The following CPNE7 variants were observed in gnomAD, a reference collection of about 807,000 sequenced individuals.
The protein encoded by CPNE7 is copine-7.
CPNE7 carries 78 observed loss-of-function variants against 66.5 expected under a neutral mutation model. The observed-to-expected ratio is 1.17, with a 90% CI of 0.98 to 1.42. The LOEUF is 1.42. Ranked by LOEUF, CPNE7 falls within the 40% of genes most tolerant of loss-of-function variation. CPNE7 has a pLI of 0.00. For synonymous variants in CPNE7, 468 were observed against 336.7 expected (o/e 1.39, Z -4.27); for missense variants, 1,012 against 776.6 (o/e 1.30, Z -3.60).
Position 89,584,236 on chromosome 16 carries a change from G to A in CPNE7, c.507+134G>A. Reference sequence around the variant, plus strand: ...CGTGTGCGGAGTGTGCCTGGGGCTGGGCGTGCTGCCGTCACGGTCGCCATC... The same window carrying A: ...CGTGTGCGGAGTGTGCCTGGGGCTGAGCGTGCTGCCGTCACGGTCGCCATC... On this transcript the variant is annotated intron_variant, in intron 4 of 14. Transcript: ENST00000319518. The surrounding 1 kb of genome is among the most constrained non-coding windows in gnomAD (Gnocchi z 6.0). 1 of 870,696 alleles carries A rather than the reference G, an allele frequency of 1.1e-6. No homozygotes were observed. The highest frequency in any genetic ancestry group is 1.7e-6 in the Non-Finnish European group (1 of 578,806). 53.9% of individuals were successfully genotyped at this position (870,696 alleles called of 1,614,324 possible).
At chr16:89,586,901 T>C (rs927155678) in intron 8 of CPNE7, 142 bp from the exon 9 acceptor site, 30 of 1,085,796 alleles carry the variant, frequency 2.8e-5, no homozygotes, top group African/African-American at 1.4e-4. Context: ...AAGGGCGAGG[T>C]TGGGGAGAGA....
intron 14 of CPNE7, 104 bp downstream of exon 14, chr16:89,595,707 G>A: frequency 9.8e-7 from 1 of 1,018,964 alleles, no homozygotes; most frequent in Non-Finnish European, 1.5e-6. Context: ...GATGTGGCAG[G>A]TCCCTTCTTG....
chr16:89,588,982 G>T (rs756273688), intron 10 of CPNE7, among the ~76,000 whole-genome samples, 174 bp downstream of exon 10: 1 of 152,162 alleles, frequency 6.6e-6, no homozygotes, highest in African/African-American at 2.4e-5. Flanking sequence ...CCATGAGGTG[G>T]GCACTGTGAG....
intron 1 of CPNE7, among the ~76,000 whole-genome samples, chr16:89,576,960 A>G (rs1248947503): frequency 1.3e-5 from 2 of 150,772 alleles, no homozygotes; most frequent in African/African-American, 4.9e-5. Context: ...CGAGCCCACC[A>G]TCCCCACGGA....
chr16:89,582,942 G>A (rs1046999745), intron 2 of CPNE7, among the ~76,000 whole-genome samples: 2 of 152,340 alleles, frequency 1.3e-5, no homozygotes, highest in Non-Finnish European at 2.9e-5. Context: ...TTTCGGACAC[G>A]GAGCCTGGGA....
intron 10 of CPNE7, 39 bp downstream of exon 10, chr16:89,588,847 G>C (rs755766607): frequency 1.9e-6 from 3 of 1,607,004 alleles, no homozygotes; most frequent in Non-Finnish European, 2.5e-6. Context: ...TGGTCTCCAG[G>C]TCAGCTATGA....
chr16:89,576,192 C>T (rs1473047449), intron 1 of CPNE7, 121 bp downstream of exon 1: 5 of 817,530 alleles, frequency 6.1e-6, no homozygotes, highest in Admixed American at 4.4e-5. Flanking sequence ...CCCCCCGGAG[C>T]TGGGGCTCAG....
intron 11 of CPNE7, 123 bp from the exon 12 acceptor site, chr16:89,590,884 G>GGGGGGAGCAGCTGACT: frequency 1.1e-6 from 1 of 917,208 alleles, no homozygotes; most frequent in Middle Eastern, 3.5e-4. Flanking sequence ...GGGCGGGGAC[G>GGGGGGAGCAGCTGACT]GGGGGAGCAG....
rs763199777 is a variant in CPNE7 at position 89,587,029 on chromosome 16, C to T, written c.868-14C>T. The T allele has an allele frequency of 5.7e-6, 9 of 1,573,528 alleles. No individual in the cohort carries two copies. Among genetic ancestry groups the T allele is most frequent in the Non-Finnish European group, 6.9e-6 (8 of 1,159,260 alleles). On this transcript the variant is annotated splice_polypyrimidine_tract_variant and intron_variant, in intron 8 of 14. Transcript: ENST00000319518. ...TCCCTGGCGGGGGTGGACGCTGACT[C>T]CGCCGGCCGGAAGTTCCACAGGGTG...
chr16:89,589,985 G>A (rs756869403), intron 11 of CPNE7, 34 bp downstream of exon 11: 3 of 1,611,686 alleles, frequency 1.9e-6, no homozygotes, highest in Admixed American at 3.3e-5. Context: ...CCTCAGAGCT[G>A]TGCCCTTCTC....
rs577640750 is a variant in CPNE7 at position 89,584,863 on chromosome 16, C to T, written c.591+6C>T. On this transcript the variant is annotated splice_donor_region_variant and intron_variant, in intron 5 of 14. Transcript: ENST00000319518. The surrounding 1 kb of genome is among the most constrained non-coding windows in gnomAD (Gnocchi z 6.0). ...AGCTGGTGTACAGGACGGAGGTGAG[C>T]GGCCGGGGATGGGAACACAGGGAGG... The T allele has an allele frequency of 3.1e-4, 494 of 1,612,284 alleles. 3 individuals are homozygous for T. The highest frequency in any genetic ancestry group is 3.0e-3 in the South Asian group (269 of 91,004).
Position 89,596,502 on chromosome 16 carries a change from G to A in CPNE7, c.1558G>A (p.Ala520Thr). The A allele has an allele frequency of 6.2e-7, 1 of 1,609,164 alleles. No homozygotes were observed. Among genetic ancestry groups the A allele is most frequent in the Non-Finnish European group, 8.5e-7 (1 of 1,179,450 alleles). ...CCTCCAGGCATCCCCTGCGGCGCTG[G>A]CCAAGTGCGTGCTGGCCGAGGTCCC... ...ELKNASPAAL[A>T]KCVLAEVPKQ... The change falls in exon 15 of 15, where the codon GCC becomes ACC. Residue 520 changes from alanine (A) to threonine (T), a missense_variant. Coordinates refer to ENST00000319518, the MANE Select transcript of CPNE7 (RefSeq NM_153636.3).
intron 14 of CPNE7, chr16:89,596,038 C>A: frequency 2.2e-6 from 1 of 460,202 alleles, no homozygotes; most frequent in South Asian, 1.7e-5. Context: ...ACACATGAGG[C>A]CCTACAGCAA....
At chr16:89,586,182 G>C (rs530126695) in intron 7 of CPNE7, among the ~76,000 whole-genome samples, 5 of 152,230 alleles carry the variant, frequency 3.3e-5, no homozygotes, top group African/African-American at 1.2e-4. Context: ...GGGGAGTGGT[G>C]ACAATGACTT....
At chr16:89,579,048 T>C in intron 2 of CPNE7, 1 of 1,416,096 alleles carries the variant, frequency 7.1e-7, no homozygotes, top group Non-Finnish European at 9.6e-7. Context: ...CGCAGCACTT[T>C]GGAAGTCCGA....
chr16:89,595,660 C>A, intron 14 of CPNE7, 57 bp downstream of exon 14: 2 of 1,439,212 alleles, frequency 1.4e-6, no homozygotes, highest in Non-Finnish European at 9.6e-7. Flanking sequence ...GTTCATGTCA[C>A]TGCCCAAGAC....
At chr16:89,594,734 C>G (rs1477771175) in intron 13 of CPNE7, among the ~76,000 whole-genome samples, 1 of 150,180 alleles carries the variant, frequency 6.7e-6, no homozygotes, top group South Asian at 2.1e-4. Context: ...TCACTGCACC[C>G]TCTGCCTCCC....
chr16:89,588,615 T>G (rs2059121881), intron 9 of CPNE7, 60 bp from the exon 10 acceptor site: 1 of 1,604,440 alleles, frequency 6.2e-7, no homozygotes, highest in African/African-American at 1.3e-5. Context: ...TCTCTACCTG[T>G]CAGGAGCGGG....
At position 89,596,739 on chromosome 16, in the gene CPNE7, A is replaced by C. The variant is rs1480904586; in HGVS notation, c.*118A>C. ...CTCCCAGAAGCCTCCAGTCCCCACC[A>C]GGCCCCACTCCCAGTCCTCCTGGGA... On this transcript the variant is annotated 3_prime_UTR_variant, in exon 15 of 15. Coordinates refer to ENST00000319518, the MANE Select transcript of CPNE7 (RefSeq NM_153636.3). 22 of 1,221,994 alleles carry C rather than the reference A, an allele frequency of 1.8e-5. No homozygotes were observed. Among genetic ancestry groups the C allele is most frequent in the Non-Finnish European group, 2.2e-5 (21 of 936,784 alleles). 75.7% of individuals were successfully genotyped at this position (1,221,994 alleles called of 1,614,324 possible).
Sources: allele counts gnomAD v4.1 joint callset (sites outside exome capture counted in the v4.1 genomes callset), GRCh38; gene constraint gnomAD v4.1.1; non-coding constraint Gnocchi (gnomAD v3.1); transcripts MANE v1.5; gene names NCBI Gene and HGNC (gene_info 2026-07-23, HGNC 2026-07-21).